GRIN2A: variants seen among roughly 807,000 people sequenced by gnomAD.
The protein encoded by GRIN2A is glutamate receptor ionotropic, NMDA 2A.
Under a neutral mutation model 113.4 loss-of-function variants are expected in GRIN2A, and 22 were observed. The ratio of observed to expected loss-of-function variants is 0.19; its 90% CI spans 0.14 to 0.28. The LOEUF (loss-of-function observed/expected upper bound fraction) is 0.28. GRIN2A is among the 10% of genes least tolerant of loss of function. The pLI is 1.00. For synonymous variants in GRIN2A, 827 were observed against 738.4 expected, an observed-to-expected ratio of 1.12 and a Z score of -1.94; for missense variants, 1,502 against 1,887.0, an observed-to-expected ratio of 0.80 and a Z score of 3.78.
intron 2 of GRIN2A, among the ~76,000 whole-genome samples, chr16:9,976,558 C>T (rs530947616): frequency 6.6e-6 from 1 of 152,202 alleles, no homozygotes; most frequent in Non-Finnish European, 1.5e-5. Flanking sequence ...ACTGCAAGCT[C>T]CAGGACCCTG....
At chr16:10,145,598 G>C (rs1390441662) in intron 2 of GRIN2A, among the ~76,000 whole-genome samples, 2 of 152,052 alleles carry the variant, frequency 1.3e-5, no homozygotes, top group East Asian at 1.9e-4. Flanking sequence ...TTGTATGTTT[G>C]CTAATCTCCA....
At position 9,763,590 on chromosome 16, in the gene GRIN2A, C is replaced by T. The variant is rs1900697016; in HGVS notation, c.3954G>A (p.Arg1318=). Reference sequence around the variant, plus strand: ...TGCCGTAAAAATTTCCCTCCAGAAGCCGTTCCCTGTCCTTGAGGCTTATGC... The same window carrying T: ...TGCCGTAAAAATTTCCCTCCAGAAGTCGTTCCCTGTCCTTGAGGCTTATGC... ...SRSISLKDRE[R]LLEGNFYGSL... The change falls in exon 13 of 13, where the codon CGG becomes CGA. Residue 1318 remains arginine, a synonymous_variant. Coordinates refer to ENST00000330684, the MANE Select transcript of GRIN2A (RefSeq NM_001134407.3). 1 of 1,613,698 alleles carries T rather than the reference C, an allele frequency of 6.2e-7. No homozygotes were observed. The highest frequency in any genetic ancestry group is 1.3e-5 in the African/African-American group (1 of 75,046).
At chr16:10,070,896 A>T (rs2047736915) in intron 2 of GRIN2A, among the ~76,000 whole-genome samples, 1 of 152,136 alleles carries the variant, frequency 6.6e-6, no homozygotes. Context: ...TAAGAAGCCT[A>T]CTTTCCTCTT....
rs76402176 is a variant in GRIN2A, at chr16:10,040,761, C to G, written c.415-102210G>C. On this transcript the variant is annotated intron_variant, in intron 2 of 12. Coordinates refer to ENST00000330684, the MANE Select transcript of GRIN2A (RefSeq NM_001134407.3). ...TCCCATGGAGACACACCCACGCAAC[C>G]CTCACGCAGCTGCGCTCCGACACTG... Among the ~76,000 whole-genome samples the G allele has an allele frequency of 7.1e-3, 1,085 of 152,364 alleles. 7 individuals carry two copies. Among genetic ancestry groups the G allele is most frequent in the Non-Finnish European group, 0.013 (904 of 68,040 alleles).
intron 2 of GRIN2A, among the ~76,000 whole-genome samples, chr16:10,010,403 C>T (rs1596412985): frequency 6.6e-6 from 1 of 152,272 alleles, no homozygotes; most frequent in South Asian, 2.1e-4. Context: ...ATAATCTTTA[C>T]TACAAACCCT....
Position 9,763,201 on chromosome 16 carries a change from C to T in GRIN2A, c.4343G>A (p.Cys1448Tyr), listed in dbSNP as rs764756799. ...TTTCTTGTACACGCGTCTATTGCTG[C>T]AGGAATTTAAAACCCTGGGGGTAGA... ...MYSTPRVLNS[C>Y]SNRRVYKKMP... The change falls in exon 13 of 13, where the codon TGC becomes TAC. Residue 1448 changes from cysteine (C) to tyrosine (Y), a missense_variant. Transcript: ENST00000330684. 1.5e-5 allele frequency: 24 copies of T among 1,613,876 alleles called. No individual in the cohort carries two copies. Among genetic ancestry groups the T allele is most frequent in the Middle Eastern group, 1.6e-4 (1 of 6,084 alleles).
Position 10,163,525 on chromosome 16 carries a change from G to A in GRIN2A, c.414+16473C>T, listed in dbSNP as rs144192319. ...GATATCCTGGCTGGTGTGCACTGGTGCAGCAGAACTGGTTATTTAAAGGCT... is the reference window on the plus strand; with the variant it reads ...GATATCCTGGCTGGTGTGCACTGGTACAGCAGAACTGGTTATTTAAAGGCT... On this transcript the variant is annotated intron_variant, in intron 2 of 12. Transcript: ENST00000330684. Among the ~76,000 whole-genome samples, 307 of 152,266 alleles carry A rather than the reference G, an allele frequency of 2.0e-3. 1 individual carries two copies. The highest frequency in any genetic ancestry group is 7.0e-3 in the African/African-American group (289 of 41,536).
At chr16:9,844,582 C>T (rs368442915) in intron 5 of GRIN2A, among the ~76,000 whole-genome samples, 20 of 152,178 alleles carry the variant, frequency 1.3e-4, no homozygotes, top group Admixed American at 1.3e-4. Context: ...AAAACAAATA[C>T]GGGGAAAGGG....
chr16:9,892,673 C>T (rs2043717259), intron 3 of GRIN2A, among the ~76,000 whole-genome samples: 1 of 152,132 alleles, frequency 6.6e-6, no homozygotes, highest in Admixed American at 6.5e-5. Flanking sequence ...CCACCTTGGC[C>T]TGTACTCAGG....
At chr16:10,051,394 G>A (rs1567263376) in intron 2 of GRIN2A, among the ~76,000 whole-genome samples, 1 of 152,160 alleles carries the variant, frequency 6.6e-6, no homozygotes, top group Non-Finnish European at 1.5e-5. Flanking sequence ...ATAAAACATT[G>A]GGAAGAAAAA....
At chr16:9,836,856 T>G (rs1448150180) in intron 7 of GRIN2A, among the ~76,000 whole-genome samples, 3 of 152,224 alleles carry the variant, frequency 2.0e-5, no homozygotes, top group African/African-American at 7.2e-5. Context: ...ATGAAGGAAC[T>G]GCAATCGAGG....
rs532321323 is a variant in GRIN2A at position 9,978,683 on chromosome 16, G to A, written c.415-40132C>T. 2.0e-5 allele frequency among the ~76,000 whole-genome samples: 3 copies of A among 152,276 alleles called. No individual in the cohort carries two copies. The East Asian group carries it at 5.8e-4, about 29-fold the overall frequency. The stretch of plus-strand genomic sequence containing the variant: ...CACTGCCAGTAGGAAAATTCCTCCA[G>A]AAGGATTTTTATCACATTTCCCTTT... On this transcript the variant is annotated intron_variant, in intron 2 of 12. Coordinates refer to ENST00000330684, the MANE Select transcript of GRIN2A (RefSeq NM_001134407.3).
At chr16:10,124,188 T>G (rs1202606072) in intron 2 of GRIN2A, among the ~76,000 whole-genome samples, 1 of 152,162 alleles carries the variant, frequency 6.6e-6, no homozygotes, top group Admixed American at 6.5e-5. Context: ...TGCCCTTGTG[T>G]GTTCCAAAAC....
intron 2 of GRIN2A, among the ~76,000 whole-genome samples, chr16:9,940,446 T>A (rs1321149705): frequency 3.3e-5 from 5 of 152,196 alleles, no homozygotes; most frequent in Admixed American, 2.6e-4. Flanking sequence ...AAATCTAATA[T>A]TCTTGAATTG....
At chr16:9,890,251 C>T (rs1217521795) in intron 4 of GRIN2A, among the ~76,000 whole-genome samples, 1 of 152,206 alleles carries the variant, frequency 6.6e-6, no homozygotes, top group Admixed American at 6.5e-5. Flanking sequence ...TTTTATTCTA[C>T]TCTTTATACG....
At chr16:10,031,147 C>A (rs1462902661) in intron 2 of GRIN2A, among the ~76,000 whole-genome samples, 2 of 152,192 alleles carry the variant, frequency 1.3e-5, no homozygotes, top group Non-Finnish European at 2.9e-5. Flanking sequence ...CCTCTTCTCA[C>A]CCTCTAAATA....
At chr16:9,788,063 C>G (rs1018414024) in intron 11 of GRIN2A, among the ~76,000 whole-genome samples, 3 of 152,188 alleles carry the variant, frequency 2.0e-5, no homozygotes, top group Non-Finnish European at 2.9e-5. Context: ...TCAATTTCAT[C>G]TGCAGCATGG....
chr16:9,939,984 C>G (rs2044824220), intron 2 of GRIN2A, among the ~76,000 whole-genome samples: 1 of 151,416 alleles, frequency 6.6e-6, no homozygotes, highest in African/African-American at 2.4e-5. Context: ...GTATTGAACA[C>G]AACCTCAACA....
chr16:9,927,712 C>T (rs1184396766), intron 3 of GRIN2A, among the ~76,000 whole-genome samples: 2 of 152,132 alleles, frequency 1.3e-5, no homozygotes, highest in African/African-American at 2.4e-5. Flanking sequence ...AGTACTTTCA[C>T]GTTTAAAAAT....
Sources: gnomAD v4.1 joint callset for allele counts (sites outside exome capture counted in the v4.1 genomes callset) on GRCh38, gnomAD v4.1.1 for gene constraint, MANE v1.5 for transcripts, NCBI Gene and HGNC (gene_info 2026-07-23, HGNC 2026-07-21) for gene names.